Variants in CBR4 observed in about 807,000 individuals in gnomAD.
CBR4 encodes the protein 3-oxoacyl-[acyl-carrier-protein] reductase.
A neutral mutation model predicts 21.0 loss-of-function variants in CBR4; 22 were observed. That is an observed-to-expected ratio of 1.05 (90% CI 0.75 to 1.50). The LOEUF is 1.50. CBR4 is among the 40% of genes most tolerant of loss of function. The pLI, the probability that CBR4 is intolerant of heterozygous loss-of-function variation, is 0.00. For synonymous variants in CBR4, 100 were observed against 104.4 expected (o/e 0.96, Z 0.26); for missense variants, 302 against 286.3 (o/e 1.05, Z -0.40).
intron 2 of CBR4, among the ~76,000 whole-genome samples, chr4:168,938,718 G>A (rs13434606): frequency 0.011 from 1,733 of 152,232 alleles, 48 homozygotes; most frequent in African/African-American, 0.04. Flanking sequence ...AGAAGAAATG[G>A]ATAAATTCCT....
intron 2 of CBR4, among the ~76,000 whole-genome samples, chr4:168,917,207 C>T (rs1760352253): frequency 6.6e-6 from 1 of 151,432 alleles, no homozygotes; most frequent in Admixed American, 6.6e-5. Flanking sequence ...CACCACCACG[C>T]CCAGTTAATT....
At chr4:169,005,098 A>G (rs916873543) in intron 3 of CBR4, among the ~76,000 whole-genome samples, 1 of 152,200 alleles carries the variant, frequency 6.6e-6, no homozygotes, top group African/African-American at 2.4e-5. Context: ...TTGTAGGCCA[A>G]TTAATAACAA....
chr4:169,009,981 C>T lies in CBR4; in HGVS notation c.109G>A (p.Glu37Lys), dbSNP rs1560997664. 3 of 1,613,042 alleles carry T rather than the reference C, an allele frequency of 1.9e-6. No homozygotes were observed. The South Asian group carries it at 3.3e-5, about 18-fold the overall frequency. Reference sequence around the variant, plus strand: ...TCACCGGCGGCGGCTTTGGCCCCTTCCAGGTTTCTGGCAATGACCGCCAGT... The same window carrying T: ...TCACCGGCGGCGGCTTTGGCCCCTTTCAGGTTTCTGGCAATGACCGCCAGT... ...YRLAVIARNL[E>K]GAKAAAGDLG... The change falls in exon 1 of 5, where the codon GAA (glutamate) becomes AAA (lysine). Residue 37 changes from glutamate (E) to lysine (K), a missense_variant. Glu to Lys is a moderately conservative substitution (Grantham distance 56, BLOSUM62 1). Coordinates refer to ENST00000306193, the MANE Select transcript of CBR4 (RefSeq NM_032783.5).
intron 2 of CBR4, among the ~76,000 whole-genome samples, chr4:168,966,101 T>G (rs1764017479): frequency 6.6e-6 from 1 of 152,082 alleles, no homozygotes; most frequent in African/African-American, 2.4e-5. Flanking sequence ...CAGACACTTC[T>G]CAAAAGAAGA....
intron 2 of CBR4, among the ~76,000 whole-genome samples, chr4:168,956,988 T>C (rs1203396634): frequency 1.3e-5 from 2 of 152,148 alleles, no homozygotes; most frequent in Admixed American, 1.3e-4. Context: ...AGTAAAGATA[T>C]ACATGAACAA....
chr4:168,951,983 T>C (rs917118227), intron 2 of CBR4, among the ~76,000 whole-genome samples: 106 of 152,234 alleles, frequency 7.0e-4, no homozygotes, highest in African/African-American at 2.4e-3. Context: ...TGGGGAAGTT[T>C]TCCTCAATTA....
intron 2 of CBR4, among the ~76,000 whole-genome samples, chr4:168,950,418 GA>G (rs1763507346): frequency 1.3e-5 from 2 of 152,068 alleles, no homozygotes; most frequent in African/African-American, 4.8e-5. Flanking sequence ...TTCCCTTTTG[GA>G]GTTGATTTAC....
intron 2 of CBR4, among the ~76,000 whole-genome samples, chr4:168,901,878 T>C (rs1414597430): frequency 6.6e-6 from 1 of 152,154 alleles, no homozygotes; most frequent in African/African-American, 2.4e-5. Flanking sequence ...AGTCAACTAC[T>C]AAAAAGTAAA....
chr4:168,994,117 A>T (rs895643878), intron 4 of CBR4, among the ~76,000 whole-genome samples: 2 of 152,232 alleles, frequency 1.3e-5, no homozygotes, highest in Non-Finnish European at 2.9e-5. Context: ...ATTCACCCAC[A>T]TATTTACTGA....
chr4:168,968,050 C>A (rs1420399155), intron 2 of CBR4, among the ~76,000 whole-genome samples: 2 of 151,554 alleles, frequency 1.3e-5, no homozygotes, highest in African/African-American at 2.4e-5. Context: ...ACCTCCTCTA[C>A]TCTCCTCAAA....
At chr4:168,924,251 TTAGC>T in intron 2 of CBR4, 1 of 1,613,402 alleles carries the variant, frequency 6.2e-7, no homozygotes. Context: ...TCATGTTTTC[TTAGC>T]TAAAGAAGCA....
intron 2 of CBR4, among the ~76,000 whole-genome samples, chr4:168,933,097 T>C (rs1190284983): frequency 6.6e-6 from 1 of 151,740 alleles, no homozygotes; most frequent in Non-Finnish European, 1.5e-5. Context: ...ATAAGGAGGA[T>C]TAAAGAGAAA....
At chr4:168,948,448 T>A (rs1010626523) in intron 2 of CBR4, among the ~76,000 whole-genome samples, 1 of 152,234 alleles carries the variant, frequency 6.6e-6, no homozygotes, top group Non-Finnish European at 1.5e-5. Context: ...CCTAAGCCAA[T>A]GTCTAGAAGG....
rs546309128 is a variant in CBR4 at position 168,902,879 on chromosome 4, C to A, written n.170-8114G>T. Among the ~76,000 whole-genome samples the A allele has an allele frequency of 3.9e-5, 6 of 152,298 alleles. No individual in the cohort carries two copies. In the East Asian group the frequency reaches 1.2e-3, roughly 29 times the overall value. ...CTCAACCTCCTGGGCTCAAGCAATC[C>A]TCCTGACTCAGCCTTCCAAATAGCT... is the stretch of plus-strand genomic sequence containing the variant. On this transcript the variant is annotated intron_variant and non_coding_transcript_variant, in intron 2 of 3. Transcript: ENST00000509108.
intron 2 of CBR4, among the ~76,000 whole-genome samples, chr4:168,962,744 C>T (rs1342661363): frequency 1.3e-5 from 2 of 152,060 alleles, no homozygotes; most frequent in South Asian, 2.1e-4. Flanking sequence ...CTAATGGAAA[C>T]GTGTTGAATA....
intron 4 of CBR4, among the ~76,000 whole-genome samples, chr4:168,999,585 AG>A (rs1319737758): frequency 6.7e-6 from 1 of 150,100 alleles, no homozygotes; most frequent in Non-Finnish European, 1.5e-5. Flanking sequence ...ATGCTCTATA[AG>A]GGTTGTATGC....
At chr4:168,902,229 A>G (rs1212321596) in intron 2 of CBR4, among the ~76,000 whole-genome samples, 1 of 152,234 alleles carries the variant, frequency 6.6e-6, no homozygotes, top group Admixed American at 6.5e-5. Flanking sequence ...GTTTGTTTTA[A>G]CAACTAAAGG....
intron 4 of CBR4, among the ~76,000 whole-genome samples, chr4:168,995,441 T>A (rs2126826324): frequency 6.6e-6 from 1 of 152,234 alleles, no homozygotes; most frequent in Admixed American, 6.5e-5. Flanking sequence ...TCTCCAAGCC[T>A]TAGACAGGCA....
At position 168,988,473 on chromosome 4, in the gene CBR4, G is replaced by C; in HGVS notation, c.*1677C>G. ...AGAGAAGAAAACTCAAGACTGAATG[G>C]GCTGCCATAATGGGGAAGTACAGGT... On this transcript the variant is annotated 3_prime_UTR_variant, in exon 5 of 5. Coordinates refer to ENST00000306193, the MANE Select transcript of CBR4 (RefSeq NM_032783.5). The C allele has an allele frequency of 2.0e-6, 2 of 985,324 alleles. No homozygotes were observed. The highest frequency in any genetic ancestry group is 2.4e-6 in the Non-Finnish European group (2 of 829,926). 61.0% of individuals were successfully genotyped at this position (985,324 alleles called of 1,614,324 possible).
Sources: allele counts gnomAD v4.1 joint callset (sites outside exome capture counted in the v4.1 genomes callset), GRCh38; gene constraint gnomAD v4.1.1; transcripts MANE v1.5; gene names NCBI Gene and HGNC (gene_info 2026-07-23, HGNC 2026-07-21).